ADGRB3: variants seen among roughly 807,000 people sequenced by gnomAD.
ADGRB3 encodes the protein adhesion G protein-coupled receptor B3.
In ADGRB3, 37 loss-of-function variants were observed where a neutral mutation model predicts 193.4. The ratio of observed to expected loss-of-function variants is 0.19; its 90% confidence interval spans 0.15 to 0.25. The LOEUF is 0.25. Among genes scored for constraint, ADGRB3 ranks in the 10% least tolerant of loss-of-function variants. The pLI is 1.00. For missense variants in ADGRB3, 1,637 were observed against 1,852.9 expected, an observed-to-expected ratio of 0.88 and a Z score of 2.14; for synonymous variants, 690 against 644.2, an observed-to-expected ratio of 1.07 and a Z score of -1.08.
intron 16 of ADGRB3, among the ~76,000 whole-genome samples, chr6:69,065,311 C>T (rs892360131): frequency 6.6e-6 from 1 of 152,064 alleles, no homozygotes; most frequent in Non-Finnish European, 1.5e-5. Flanking sequence ...GGAATCTGCC[C>T]GCCGTGCACA....
intron 17 of ADGRB3, among the ~76,000 whole-genome samples, chr6:69,156,872 G>T (rs1319575105): frequency 6.6e-6 from 1 of 152,142 alleles, no homozygotes; most frequent in Non-Finnish European, 1.5e-5. Flanking sequence ...CTAAACCTCA[G>T]GGATGTTGGG....
chr6:69,095,123 G>A (rs371850992), intron 17 of ADGRB3, among the ~76,000 whole-genome samples: 26 of 152,182 alleles, frequency 1.7e-4, no homozygotes, highest in African/African-American at 6.0e-4. Context: ...TAATTGAATG[G>A]TCTTATCATT....
In ADGRB3 at chr6:69,301,165, A is replaced by G. The variant is rs1444257107; in HGVS notation, c.2815-23707A>G. 3.9e-5 allele frequency among the ~76,000 whole-genome samples: 6 copies of G among 151,928 alleles called. No homozygotes were observed. The South Asian group carries it at 8.3e-4, about 21-fold the overall frequency. On this transcript the variant is annotated intron_variant, in intron 20 of 31. Transcript: ENST00000370598. Reference sequence around the variant, plus strand: ...GTATTAAGAAAAAGTTAGTTTTGTCATGAATTCACAAAATATATGTAGATA... The same window carrying G: ...GTATTAAGAAAAAGTTAGTTTTGTCGTGAATTCACAAAATATATGTAGATA...
At position 69,336,165 on chromosome 6, in the gene ADGRB3, G is replaced by A. The variant is rs184783767; in HGVS notation, c.3189-2751G>A. 4.6e-5 allele frequency among the ~76,000 whole-genome samples: 7 copies of A among 152,004 alleles called. No individual in the cohort carries two copies. The East Asian group carries it at 1.2e-3, about 25-fold the overall frequency. On this transcript the variant is annotated intron_variant, in intron 24 of 31. Transcript: ENST00000370598. ...ATTTTATACTCAGGTATTAAGCCTA[G>A]TACCCATTAGTTTACCAAGAAGGAA...
chr6:68,779,063 T>G (rs1766804062), intron 3 of ADGRB3, among the ~76,000 whole-genome samples: 1 of 152,156 alleles, frequency 6.6e-6, no homozygotes, highest in Non-Finnish European at 1.5e-5. Context: ...TCACCCACTT[T>G]ATTAACAATG....
chr6:69,036,844 A>T (rs1174465443), intron 13 of ADGRB3, among the ~76,000 whole-genome samples: 1 of 152,240 alleles, frequency 6.6e-6, no homozygotes, highest in Non-Finnish European at 1.5e-5. Flanking sequence ...AGGTCAAGGC[A>T]TAAAATTTGG....
At chr6:69,122,205 C>T (rs9454700) in intron 17 of ADGRB3, among the ~76,000 whole-genome samples, 2 of 151,854 alleles carry the variant, frequency 1.3e-5, no homozygotes, top group Admixed American at 1.3e-4. Context: ...TCCCAGCACC[C>T]TGGGAGGCTG....
intron 16 of ADGRB3, among the ~76,000 whole-genome samples, chr6:69,067,077 T>C (rs544668200): frequency 6.6e-6 from 1 of 152,258 alleles, no homozygotes; most frequent in African/African-American, 2.4e-5. Flanking sequence ...GCATACTTTT[T>C]CCAAATGAAG....
At chr6:68,857,520 C>T (rs1438133931) in intron 3 of ADGRB3, among the ~76,000 whole-genome samples, 4 of 152,130 alleles carry the variant, frequency 2.6e-5, no homozygotes, top group African/African-American at 9.7e-5. Flanking sequence ...CTTGCATGGG[C>T]CCTGTAATCC....
At chr6:68,638,458 A>G (rs998474872) in intron 2 of ADGRB3, among the ~76,000 whole-genome samples, 14 of 152,228 alleles carry the variant, frequency 9.2e-5, no homozygotes, top group Non-Finnish European at 1.3e-4. Flanking sequence ...GAATTTGACC[A>G]TTGTGAATGG....
rs530110824 is a variant in ADGRB3 at position 68,963,299 on chromosome 6, A to G, written c.1525+6490A>G. On this transcript the variant is annotated intron_variant, in intron 8 of 31. Transcript: ENST00000370598. The stretch of plus-strand genomic sequence containing the variant: ...TGAAATGCTGGAGCTAATTAGGATC[A>G]TCAAGTGGCAGTTCATGTACTCTGT... Among the ~76,000 whole-genome samples the G allele has an allele frequency of 2.6e-5, 4 of 152,278 alleles. No homozygotes were observed. The South Asian group carries it at 8.3e-4, about 32-fold the overall frequency.
rs1436801227 is a variant in ADGRB3 at position 68,786,556 on chromosome 6, G to A, written c.758-144003G>A. ...GTACCATGCTGTTTTGGTTACTGTA[G>A]CCTTGTAGTATAGTTTGAATTCAGG... On this transcript the variant is annotated intron_variant, in intron 3 of 31. Transcript: ENST00000370598. 2.6e-5 allele frequency among the ~76,000 whole-genome samples: 4 copies of A among 152,246 alleles called. No individual in the cohort carries two copies. The East Asian group carries it at 5.8e-4, about 22-fold the overall frequency.
intron 26 of ADGRB3, among the ~76,000 whole-genome samples, chr6:69,350,824 T>C (rs892463105): frequency 6.6e-6 from 1 of 151,972 alleles, no homozygotes; most frequent in African/African-American, 2.4e-5. Flanking sequence ...AGACTTGCTT[T>C]TTACAAAAAC....
intron 3 of ADGRB3, among the ~76,000 whole-genome samples, chr6:68,921,208 TAAAAG>T (rs750024623): frequency 2.9e-4 from 44 of 152,164 alleles, no homozygotes; most frequent in Admixed American, 7.9e-4. Flanking sequence ...AATTCCCTAT[TAAAAG>T]GAAGAGGGTC....
chr6:69,373,083 G>A (rs1769740116), intron 30 of ADGRB3, among the ~76,000 whole-genome samples: 1 of 151,896 alleles, frequency 6.6e-6, no homozygotes, highest in South Asian at 2.1e-4. Flanking sequence ...ACCATCTGAG[G>A]AGGTTATGCT....
intron 3 of ADGRB3, among the ~76,000 whole-genome samples, chr6:68,885,939 A>T (rs1765894185): frequency 6.6e-6 from 1 of 152,172 alleles, no homozygotes; most frequent in Admixed American, 6.5e-5. Context: ...GGAAAGAAGG[A>T]AGGAATATTT....
chr6:69,250,128 A>C (rs776883807), intron 20 of ADGRB3, among the ~76,000 whole-genome samples: 3 of 152,176 alleles, frequency 2.0e-5, no homozygotes, highest in Non-Finnish European at 4.4e-5. Context: ...ATCTCTATAG[A>C]TGTGTCTTTG....
chr6:68,889,513 T>A (rs1292650637), intron 3 of ADGRB3, among the ~76,000 whole-genome samples: 1 of 151,952 alleles, frequency 6.6e-6, no homozygotes, highest in Non-Finnish European at 1.5e-5. Context: ...TTTTATTTTT[T>A]TTTTTTTGAG....
intron 10 of ADGRB3, among the ~76,000 whole-genome samples, chr6:68,985,277 G>A (rs1053739858): frequency 2.0e-5 from 3 of 152,096 alleles, no homozygotes; most frequent in East Asian, 1.9e-4. Context: ...CCAGACTTAC[G>A]TTATCAGAAT....
Sources: gnomAD v4.1 joint callset for allele counts (sites outside exome capture counted in the v4.1 genomes callset) on GRCh38, gnomAD v4.1.1 for gene constraint, MANE v1.5 for transcripts, NCBI Gene and HGNC (gene_info 2026-07-23, HGNC 2026-07-21) for gene names.